Variants in FMR1NB observed in about 807,000 individuals in gnomAD.
FMR1NB encodes FMR1 neighbor, also known as FMR1 neighbor protein.
Under a neutral mutation model 16.8 loss-of-function variants are expected in FMR1NB, and 10 were observed. The ratio of observed to expected loss-of-function variants is 0.60; its 90% confidence interval spans 0.37 to 1.01. The LOEUF (loss-of-function observed/expected upper bound fraction) is 1.01, where lower values mean the gene tolerates loss of function less well. Among genes scored for constraint, FMR1NB ranks in the 50% least tolerant of loss-of-function variants. FMR1NB has a pLI of 0.01. For missense variants in FMR1NB, 205 were observed against 204.8 expected (o/e 1.00, Z 0.00); for synonymous variants, 83 against 79.1 (o/e 1.05, Z -0.26).
chrX:148,015,020 C>T (rs1468460859), intron 4 of FMR1NB, among the ~76,000 whole-genome samples: 3 of 111,281 alleles, frequency 2.7e-5, no homozygotes, highest in East Asian at 2.8e-4. Flanking sequence ...TTGGTCTATT[C>T]GGGTTTTGGA....
chrX:148,001,760 T>A (rs1321039787), intron 1 of FMR1NB, among the ~76,000 whole-genome samples: 5 of 108,723 alleles, frequency 4.6e-5, no homozygotes, highest in African/African-American at 1.7e-4. Flanking sequence ...AAAAAAAAAA[T>A]AAAAGAAAAG....
In FMR1NB at chrX:148,024,890, C is replaced by T; in HGVS notation, c.658C>T (p.Gln220Ter). 1.7e-6 allele frequency: 2 copies of T among 1,209,271 alleles called. No homozygotes were observed. The highest frequency in any genetic ancestry group is 2.2e-6 in the Non-Finnish European group (2 of 894,225). ...CGAACCGGCCGATGATTTACAAAGGCAGGACAACAGAGTTGTAACGGGTTT... is the reference window on the plus strand; with the variant it reads ...CGAACCGGCCGATGATTTACAAAGGTAGGACAACAGAGTTGTAACGGGTTT... ...RSEPADDLQR[Q>*]DNRVVTGLKK... Residue 220 changes from glutamine to a stop codon, truncating the protein, a stop_gained, in exon 5 of 6, where the codon CAG becomes TAG. Transcript: ENST00000370467. LOFTEE classifies it high-confidence loss of function.
chrX:148,014,590 G>A (rs1268651978), intron 4 of FMR1NB, among the ~76,000 whole-genome samples: 1 of 110,519 alleles, frequency 9.0e-6, no homozygotes, highest in African/African-American at 3.3e-5. Context: ...ATCATTGTCC[G>A]TAAAAGAGGT....
At chrX:148,010,101 A>AT (rs199528103) in intron 4 of FMR1NB, among the ~76,000 whole-genome samples, 15,830 of 110,113 alleles carry the variant, frequency 0.14, 1,636 homozygotes, top group African/African-American at 0.36. Flanking sequence ...GGTCCCCTGG[A>AT]TTTTTTTTTC....
chrX:147,997,977 GA>G (rs1365063971), intron 1 of FMR1NB, among the ~76,000 whole-genome samples: 2 of 112,661 alleles, frequency 1.8e-5, no homozygotes, highest in Non-Finnish European at 3.7e-5. Flanking sequence ...AGGATGTGGA[GA>G]AACAGGAACG....
intron 4 of FMR1NB, among the ~76,000 whole-genome samples, chrX:148,018,367 TC>T (rs2044661301): frequency 9.0e-6 from 1 of 111,158 alleles, no homozygotes; most frequent in African/African-American, 3.3e-5. Flanking sequence ...TCATGCCAAG[TC>T]AATCCTAAGC....
intron 1 of FMR1NB, among the ~76,000 whole-genome samples, chrX:147,992,012 AT>A (rs1421425765): frequency 8.9e-6 from 1 of 112,008 alleles, no homozygotes; most frequent in Admixed American, 9.4e-5. Context: ...AGGCAGAGGA[AT>A]TTCTCCCAGT....
chrX:147,992,198 C>A (rs1460748968), intron 1 of FMR1NB, among the ~76,000 whole-genome samples: 3 of 107,284 alleles, frequency 2.8e-5, no homozygotes, highest in Non-Finnish European at 5.8e-5. Context: ...GGGGTGGTGG[C>A]CGGGCAGAGG....
At chrX:148,015,895 C>T (rs782014036) in intron 4 of FMR1NB, among the ~76,000 whole-genome samples, 13 of 112,065 alleles carry the variant, frequency 1.2e-4, no homozygotes, top group Non-Finnish European at 2.4e-4. Flanking sequence ...CCAGTGCTGA[C>T]AGTAGGGTAT....
rs372988467 is a variant in FMR1NB, at chrX:148,004,598, T to C, written c.397+1278T>C. On this transcript the variant is annotated intron_variant, in intron 2 of 5. Coordinates refer to ENST00000370467, the MANE Select transcript of FMR1NB (RefSeq NM_152578.3). ...AACTACAGCTTCATAAAACGTGAAA[T>C]ATTTTTAACCAATTTATTTCTTCCC... 1.4e-4 allele frequency among the ~76,000 whole-genome samples: 16 copies of C among 112,402 alleles called. No homozygotes were observed. The South Asian group carries it at 4.0e-3, about 28-fold the overall frequency.
intron 3 of FMR1NB, 119 bp downstream of exon 3, chrX:148,006,961 A>G: frequency 2.5e-6 from 2 of 802,985 alleles, no homozygotes; most frequent in Non-Finnish European, 3.5e-6. Context: ...CCAGTCCTAG[A>G]GCGGTGCTCC....
At chrX:147,982,144 G>C (rs1181929132) in intron 1 of FMR1NB, among the ~76,000 whole-genome samples, 1 of 111,317 alleles carries the variant, frequency 9.0e-6, no homozygotes, top group African/African-American at 3.3e-5. Context: ...ACAAAAATTA[G>C]CCGGGCATGG....
At chrX:148,018,924 G>A (rs1013181658) in intron 4 of FMR1NB, among the ~76,000 whole-genome samples, 20 of 110,865 alleles carry the variant, frequency 1.8e-4, no homozygotes, top group Non-Finnish European at 2.5e-4. Context: ...CAACCTACTC[G>A]TCTGACAAAG....
intron 4 of FMR1NB, among the ~76,000 whole-genome samples, chrX:148,018,596 G>C (rs144605660): frequency 0.053 from 5,889 of 111,273 alleles, 178 homozygotes; most frequent in African/African-American, 0.11. Flanking sequence ...TTTGATAAAT[G>C]GTGCTGGGAA....
intron 4 of FMR1NB, among the ~76,000 whole-genome samples, chrX:148,024,055 G>A (rs1393295102): frequency 8.9e-6 from 1 of 111,939 alleles, no homozygotes; most frequent in African/African-American, 3.2e-5. Flanking sequence ...GATCATGCAC[G>A]TGAAGTGCTT....
At chrX:148,000,376 G>A (rs2044564560) in intron 1 of FMR1NB, among the ~76,000 whole-genome samples, 1 of 111,486 alleles carries the variant, frequency 9.0e-6, no homozygotes, top group Non-Finnish European at 1.9e-5. Flanking sequence ...GTCTAGAAAA[G>A]CAACAGGAAG....
At chrX:148,014,603 A>C (rs1316413816) in intron 4 of FMR1NB, among the ~76,000 whole-genome samples, 2 of 111,926 alleles carry the variant, frequency 1.8e-5, no homozygotes, top group East Asian at 5.6e-4. Context: ...AAAGAGGTAC[A>C]GATAAAAAGT....
chrX:147,995,962 C>A (rs1557188120), intron 1 of FMR1NB, among the ~76,000 whole-genome samples: 2 of 112,037 alleles, frequency 1.8e-5, no homozygotes, highest in African/African-American at 6.5e-5. Context: ...CTTTAGGCTT[C>A]AGTTATCTTA....
intron 4 of FMR1NB, among the ~76,000 whole-genome samples, chrX:148,022,849 TAAAG>T (rs140580294): frequency 0.039 from 4,380 of 111,758 alleles, 140 homozygotes; most frequent in African/African-American, 0.11. Context: ...AATCTGTAGA[TAAAG>T]AAAACATAGT....
Sources: allele counts gnomAD v4.1 joint callset (sites outside exome capture counted in the v4.1 genomes callset), GRCh38; gene constraint gnomAD v4.1.1; transcripts MANE v1.5; gene names NCBI Gene and HGNC (gene_info 2026-07-23, HGNC 2026-07-21).